Variants in EPHX2 observed in about 807,000 individuals in gnomAD.
The protein encoded by EPHX2 is epoxide hydrolase 2, also known as bifunctional epoxide hydrolase 2.
In EPHX2, 74 loss-of-function variants were observed where a neutral mutation model predicts 78.7. The observed-to-expected ratio is 0.94, with a 90% CI of 0.78 to 1.14. The LOEUF is 1.14. EPHX2 is among the 50% of genes most tolerant of loss of function. The probability of loss-of-function intolerance (pLI) is 0.00; values close to 1 mark genes in which losing one functional copy is unlikely to be tolerated. For missense variants in EPHX2, 715 were observed against 702.5 expected, an observed-to-expected ratio of 1.02 and a Z score of -0.20; for synonymous variants, 251 against 255.2, an observed-to-expected ratio of 0.98 and a Z score of 0.16.
At chr8:27,533,919 C>T (rs17057314) in intron 12 of EPHX2, among the ~76,000 whole-genome samples, 4,013 of 152,230 alleles carry the variant, frequency 0.026, 198 homozygotes, top group African/African-American at 0.09. Flanking sequence ...TTTTTGACAT[C>T]GTTTGCCCTT....
chr8:27,496,976 G>GGT, intron 1 of EPHX2, among the ~76,000 whole-genome samples: 1 of 152,274 alleles, frequency 6.6e-6, no homozygotes, highest in East Asian at 1.9e-4. Flanking sequence ...CAACAAGAAA[G>GGT]GTGTGTGAAA....
intron 12 of EPHX2, among the ~76,000 whole-genome samples, chr8:27,529,890 A>G (rs1036968948): frequency 2.8e-5 from 2 of 71,760 alleles, no homozygotes; most frequent in South Asian, 3.4e-4. Context: ...CAGCCTGAGC[A>G]AAAAAAAAAA....
At position 27,491,252 on chromosome 8, in the gene EPHX2, C is replaced by T. The variant is rs1264657734; in HGVS notation, c.44C>T (p.Ala15Val). ...GTCTTCGACCTTGACGGGGTGCTGG[C>T]GCTGCCAGCGGTGTTCGGCGTCCTC... ...AAVFDLDGVL[A>V]LPAVFGVLGR... Residue 15 changes from alanine (A) to valine (V), a missense_variant, in exon 1 of 19, where the codon GCG becomes GTG. Coordinates refer to ENST00000521400, the MANE Select transcript of EPHX2 (RefSeq NM_001979.6). The T allele has an allele frequency of 1.9e-6, 3 of 1,584,432 alleles. No homozygotes were observed. The South Asian group carries it at 3.4e-5, about 18-fold the overall frequency.
intron 12 of EPHX2, among the ~76,000 whole-genome samples, chr8:27,527,229 T>A (rs1814878686): frequency 6.6e-6 from 1 of 152,152 alleles, no homozygotes. Flanking sequence ...AGTGCTGGGA[T>A]TACAGGTGTG....
Position 27,538,768 on chromosome 8 carries a change from T to C in EPHX2, c.1276+76T>C, listed in dbSNP as rs72477577. The C allele has an allele frequency of 1.4e-4, 205 of 1,504,500 alleles. No homozygotes were observed. In the Middle Eastern group the frequency reaches 4.6e-3, roughly 34 times the overall value. 93.2% of individuals were successfully genotyped at this position (1,504,500 alleles called of 1,614,324 possible). On this transcript the variant is annotated intron_variant, in intron 14 of 18. Coordinates refer to ENST00000521400, the MANE Select transcript of EPHX2 (RefSeq NM_001979.6). ...GGGATGTTTCTGTCTCTGACTGCTA[T>C]GGGCAGAAGCCCTGAGCTCTCCAGC...
chr8:27,533,746 C>T (rs1815121178), intron 12 of EPHX2, among the ~76,000 whole-genome samples: 1 of 152,100 alleles, frequency 6.6e-6, no homozygotes, highest in Non-Finnish European at 1.5e-5. Flanking sequence ...CACCACCATG[C>T]CCAGCTGATT....
intron 14 of EPHX2, 44 bp downstream of exon 14, chr8:27,538,736 T>C (rs372046076): frequency 3.1e-5 from 49 of 1,599,502 alleles, no homozygotes; most frequent in Non-Finnish European, 4.1e-5. Context: ...ACCAGCTGAA[T>C]GTTAAAGGGA....
chr8:27,506,878 T>C lies in EPHX2; in HGVS notation c.544T>C (p.Phe182Leu). 2 of 1,613,902 alleles carry C rather than the reference T, an allele frequency of 1.2e-6. No individual in the cohort carries two copies. Among genetic ancestry groups the C allele is most frequent in the Non-Finnish European group, 8.5e-7 (1 of 1,179,906 alleles). Residue 182 changes from phenylalanine (F) to leucine (L), a missense_variant, in exon 5 of 19, where the codon TTT becomes CTT. Phe to Leu is a conservative substitution (Grantham distance 22, BLOSUM62 0). Transcript: ENST00000521400. ...CATGCTGTTTTGGGCTCAGGTCGTT[T>C]TTTTGGATGACATCGGGGCTAATCT... ...TLKASPSEVV[F>L]LDDIGANLKP...
intron 14 of EPHX2, 48 bp from the exon 15 acceptor site, chr8:27,540,506 G>A (rs533787701): frequency 3.8e-6 from 6 of 1,570,968 alleles, no homozygotes; most frequent in South Asian, 3.3e-5. Flanking sequence ...TTAAAATGCA[G>A]ACACCTGGCC....
At chr8:27,520,033 G>A (rs1409291113) in intron 9 of EPHX2, among the ~76,000 whole-genome samples, 1 of 150,930 alleles carries the variant, frequency 6.6e-6, no homozygotes, top group Non-Finnish European at 1.5e-5. Context: ...TAAGCAACAG[G>A]GTCTCCTTAT....
At chr8:27,522,592 G>A in intron 11 of EPHX2, 84 bp downstream of exon 11, 1 of 1,410,262 alleles carries the variant, frequency 7.1e-7, no homozygotes, top group Non-Finnish European at 9.9e-7. Flanking sequence ...TTTAAGCCCA[G>A]AAAACTTCTC....
chr8:27,518,347 G>T (rs1814532508), intron 9 of EPHX2, among the ~76,000 whole-genome samples: 1 of 152,238 alleles, frequency 6.6e-6, no homozygotes, highest in African/African-American at 2.4e-5. Flanking sequence ...GTAGAGCCAG[G>T]TTGGAAGCCT....
At chr8:27,522,643 T>G in intron 11 of EPHX2, 135 bp downstream of exon 11, 1 of 844,812 alleles carries the variant, frequency 1.2e-6, no homozygotes, top group South Asian at 1.6e-5. Context: ...GTCTTCACTC[T>G]TTAGTGTCTG....
intron 12 of EPHX2, among the ~76,000 whole-genome samples, chr8:27,528,083 G>A (rs955613910): frequency 6.6e-6 from 1 of 152,108 alleles, no homozygotes; most frequent in Non-Finnish European, 1.5e-5. Context: ...ATCAGGATAG[G>A]CTCAAAATCC....
intron 16 of EPHX2, 109 bp downstream of exon 16, chr8:27,541,651 C>A: frequency 8.9e-7 from 1 of 1,117,710 alleles, no homozygotes; most frequent in South Asian, 1.3e-5. Flanking sequence ...GTGGACAGAT[C>A]TGCTGGCCAC....
intron 1 of EPHX2, among the ~76,000 whole-genome samples, chr8:27,496,586 G>A (rs1180528190): frequency 6.6e-6 from 1 of 152,220 alleles, no homozygotes; most frequent in Non-Finnish European, 1.5e-5. Flanking sequence ...TCACTGATGA[G>A]TCTAAAATCT....
rs143234544 is a variant in EPHX2, at chr8:27,518,726, T to C, written c.945+654T>C. The stretch of plus-strand genomic sequence containing the variant: ...TCTGAGTCACAGCCCTGTGGGGGCT[T>C]CTCCCCCTCATGTGTGCCCCACAGC... On this transcript the variant is annotated intron_variant, in intron 9 of 18. Transcript: ENST00000521400. Among the ~76,000 whole-genome samples, 207 of 152,292 alleles carry C rather than the reference T, an allele frequency of 1.4e-3. 1 individual carries two copies. The highest frequency in any genetic ancestry group is 7.3e-3 in the South Asian group (35 of 4,810).
chr8:27,508,036 C>A (rs182544371), intron 5 of EPHX2, among the ~76,000 whole-genome samples: 2 of 152,186 alleles, frequency 1.3e-5, no homozygotes, highest in Non-Finnish European at 2.9e-5. Flanking sequence ...TGCAGTGGCT[C>A]ACTCCTGTAA....
chr8:27,503,886 T>G (rs1813896920), intron 3 of EPHX2, 123 bp downstream of exon 3: 3 of 1,249,524 alleles, frequency 2.4e-6, no homozygotes, highest in Non-Finnish European at 3.2e-6. Flanking sequence ...GGAAAGCCTC[T>G]TTAAACATGG....
Sources: gnomAD v4.1 joint callset for allele counts (sites outside exome capture counted in the v4.1 genomes callset) on GRCh38, gnomAD v4.1.1 for gene constraint, MANE v1.5 for transcripts, NCBI Gene and HGNC (gene_info 2026-07-23, HGNC 2026-07-21) for gene names.